SATL1: variants seen among roughly 807,000 people sequenced by gnomAD.
SATL1 encodes the protein spermidine/spermine N1-acetyl transferase like 1.
Under a neutral mutation model 51.8 loss-of-function variants are expected in SATL1, and 47 were observed. That is an observed-to-expected ratio of 0.91 (90% confidence interval 0.72 to 1.16). The LOEUF is 1.16. Ranked by LOEUF, SATL1 falls within the 50% of genes most tolerant of loss-of-function variation. The pLI is 0.00. For missense variants in SATL1, 520 were observed against 526.4 expected, an observed-to-expected ratio of 0.99 and a Z score of 0.12; for synonymous variants, 176 against 182.4, an observed-to-expected ratio of 0.97 and a Z score of 0.28.
At chrX:85,144,793 G>A (rs936529514) in intron 2 of SATL1, among the ~76,000 whole-genome samples, 1 of 111,623 alleles carries the variant, frequency 9.0e-6, no homozygotes, top group Admixed American at 9.6e-5. Context: ...TCAGGAGGCT[G>A]AGACGGCTGG....
intron 2 of SATL1, among the ~76,000 whole-genome samples, chrX:85,215,640 G>C (rs1420377690): frequency 8.9e-6 from 1 of 112,276 alleles, no homozygotes; most frequent in Non-Finnish European, 1.9e-5. Context: ...CTTCCACAAA[G>C]CCCTAGGGCA....
intron 2 of SATL1, among the ~76,000 whole-genome samples, chrX:85,167,030 TG>T (rs200155915): frequency 0.014 from 1,500 of 106,618 alleles, 36 homozygotes; most frequent in African/African-American, 0.05. Context: ...TATGTGTGTG[TG>T]TATATACATA....
At chrX:85,232,206 A>T (rs954580660) in intron 1 of SATL1, among the ~76,000 whole-genome samples, 2 of 109,615 alleles carry the variant, frequency 1.8e-5, no homozygotes, top group Non-Finnish European at 3.8e-5. Context: ...ACAAGCTTAA[A>T]GGGAAGAACC....
At chrX:85,139,404 C>G (rs778376101) in intron 2 of SATL1, among the ~76,000 whole-genome samples, 282 of 111,245 alleles carry the variant, frequency 2.5e-3, no homozygotes, top group African/African-American at 8.6e-3. Flanking sequence ...ATCACAGTAA[C>G]CCACTGAGGT....
At chrX:85,138,856 A>G (rs984034096) in intron 2 of SATL1, among the ~76,000 whole-genome samples, 12 of 111,963 alleles carry the variant, frequency 1.1e-4, no homozygotes, top group African/African-American at 3.6e-4. Flanking sequence ...GAATGATCCA[A>G]TGGAAAGCTG....
intron 2 of SATL1, among the ~76,000 whole-genome samples, chrX:85,195,928 G>A (rs921002238): frequency 9.0e-6 from 1 of 110,630 alleles, no homozygotes; most frequent in Non-Finnish European, 1.9e-5. Context: ...TGAATTGGAG[G>A]TTGAATTAAT....
Position 85,186,544 on chromosome X carries a change from C to A in SATL1, c.-313+37661G>T, listed in dbSNP as rs368213923. On this transcript the variant is annotated intron_variant, in intron 2 of 7. Coordinates refer to ENST00000644105, the MANE Select transcript of SATL1 (RefSeq NM_001367857.2). ...TTACGTGACTGGGATGGACAATTCA[C>A]CTCTGTCTAGGGCTGGTCTAAATGC... 2.7e-5 allele frequency among the ~76,000 whole-genome samples: 3 copies of A among 111,390 alleles called. No homozygotes were observed. In the Admixed American group the frequency reaches 2.9e-4, roughly 11 times the overall value.
intron 2 of SATL1, among the ~76,000 whole-genome samples, chrX:85,149,258 G>T (rs1207344912): frequency 5.4e-5 from 6 of 111,484 alleles, no homozygotes; most frequent in Non-Finnish European, 1.1e-4. Flanking sequence ...TCAACAAGAA[G>T]AACTAACTAT....
At chrX:85,238,630 G>A (rs1210340843) in intron 1 of SATL1, among the ~76,000 whole-genome samples, 1 of 111,426 alleles carries the variant, frequency 9.0e-6, no homozygotes, top group African/African-American at 3.3e-5. Flanking sequence ...TCAATAGAAT[G>A]AAAAAGAGCT....
At chrX:85,194,453 A>T (rs1328386078) in intron 2 of SATL1, among the ~76,000 whole-genome samples, 1 of 111,316 alleles carries the variant, frequency 9.0e-6, no homozygotes, top group African/African-American at 3.3e-5. Flanking sequence ...GAGGTGAAAA[A>T]AATATATTTA....
intron 2 of SATL1, among the ~76,000 whole-genome samples, chrX:85,206,059 G>A (rs1210280912): frequency 1.8e-5 from 2 of 111,862 alleles, no homozygotes; most frequent in East Asian, 2.8e-4. Flanking sequence ...AGGCAGAGCA[G>A]GTTTGAGGCT....
At chrX:85,162,786 C>T (rs1333250871) in intron 2 of SATL1, among the ~76,000 whole-genome samples, 2 of 110,871 alleles carry the variant, frequency 1.8e-5, no homozygotes, top group East Asian at 5.7e-4. Flanking sequence ...TTTTCTGCCC[C>T]CATTGAGATG....
intron 2 of SATL1, among the ~76,000 whole-genome samples, chrX:85,151,622 T>C (rs1198716381): frequency 9.0e-6 from 1 of 110,939 alleles, no homozygotes; most frequent in African/African-American, 3.3e-5. Context: ...AACAGAGATA[T>C]AGACCAATGG....
At chrX:85,148,339 G>C (rs6524427) in intron 2 of SATL1, among the ~76,000 whole-genome samples, 1 of 107,266 alleles carries the variant, frequency 9.3e-6, no homozygotes, top group Non-Finnish European at 1.9e-5. Flanking sequence ...CTACGTCTGA[G>C]TGGTGTACCT....
chrX:85,138,135 C>G (rs1000191073), intron 2 of SATL1, among the ~76,000 whole-genome samples: 2 of 112,605 alleles, frequency 1.8e-5, no homozygotes, highest in Non-Finnish European at 3.7e-5. Flanking sequence ...TCCAAAGTCT[C>G]TGCCACATTT....
chrX:85,234,371 G>C (rs757183846), intron 1 of SATL1, among the ~76,000 whole-genome samples: 139 of 111,840 alleles, frequency 1.2e-3, no homozygotes, highest in African/African-American at 4.3e-3. Context: ...AAAATTCACT[G>C]GTAGTGGTAA....
At chrX:85,147,050 T>G (rs190947604) in intron 2 of SATL1, among the ~76,000 whole-genome samples, 216 of 104,453 alleles carry the variant, frequency 2.1e-3, no homozygotes, top group African/African-American at 6.8e-3. Context: ...AGGGGTCAGG[T>G]AGTTCCCTTT....
Position 85,094,179 on chromosome X carries a change from T to G in SATL1, c.1825A>C (p.Thr609Pro). ...AMYYFTYDSW[T>P]GKVLYLEDFY... ...TCCTCTAGGTAAAGTACCTTGCCAG[T>G]CCATGAGTCGTATGTAAAGTAGTAC... Residue 609 changes from threonine to proline, a missense_variant, in exon 6 of 8, where the codon ACT (threonine) becomes CCT (proline). By Grantham distance (38) the Thr-to-Pro change is conservative (BLOSUM62 -1). Around this residue, in one of 3 missense-constraint regions of SATL1, gnomAD observed 488 missense variants for 474.3 expected, o/e 1.03. Transcript: ENST00000644105. 2 of 1,200,840 alleles carry G rather than the reference T, an allele frequency of 1.7e-6. No individual in the cohort carries two copies. Among genetic ancestry groups the G allele is most frequent in the Non-Finnish European group, 2.3e-6 (2 of 885,948 alleles).
chrX:85,093,361 G>T lies in SATL1; in HGVS notation c.1877-136C>A, dbSNP rs1428400278. 6.9e-6 allele frequency: 4 copies of T among 576,010 alleles called. No individual in the cohort carries two copies. The East Asian group carries it at 1.5e-4, about 22-fold the overall frequency. The allele number at this position is 576,010 out of a possible 1,213,427, so 47.5% of individuals were successfully genotyped here. On this transcript the variant is annotated intron_variant, in intron 6 of 7. Transcript: ENST00000644105. ...TTAATAGCTTCTGGAAACACAACTC[G>T]TGAATGCTTTCATATCCCTTTTTCC...
Sources: allele counts gnomAD v4.1 joint callset (sites outside exome capture counted in the v4.1 genomes callset), GRCh38; gene constraint gnomAD v4.1.1; regional missense constraint gnomAD v4.1.1; transcripts MANE v1.5; gene names NCBI Gene and HGNC (gene_info 2026-07-23, HGNC 2026-07-21).